TRHDE: variants seen among roughly 807,000 people sequenced by gnomAD.
The protein encoded by TRHDE is thyrotropin releasing hormone degrading enzyme.
TRHDE carries 72 observed loss-of-function variants against 125.7 expected under a neutral mutation model. The ratio of observed to expected loss-of-function variants is 0.57; its 90% CI spans 0.47 to 0.70. The LOEUF is 0.70. Among genes scored for constraint, TRHDE ranks in the 30% least tolerant of loss-of-function variants. TRHDE has a pLI of 0.00. For synonymous variants in TRHDE, 509 were observed against 509.1 expected (o/e 1.00, Z 0.00); for missense variants, 1,110 against 1,327.1 (o/e 0.84, Z 2.54).
chr12:72,650,015 A>T (rs1874442433), intron 15 of TRHDE, among the ~76,000 whole-genome samples: 1 of 152,112 alleles, frequency 6.6e-6, no homozygotes, highest in Non-Finnish European at 1.5e-5. Context: ...ATAATCCAGC[A>T]TCCCATTTGT....
chr12:72,530,042 G>C (rs992720525), intron 6 of TRHDE, among the ~76,000 whole-genome samples: 4 of 152,040 alleles, frequency 2.6e-5, no homozygotes, highest in African/African-American at 9.7e-5. Flanking sequence ...GTCTACTCTA[G>C]GATGTTGGTC....
chr12:72,127,873 A>ATG lies in TRHDE; in HGVS notation n.279+22129_279+22130dup, dbSNP rs904211167. Reference sequence around the variant, plus strand: ...AGAGAGACATTGTGTGTATATATATATGTGTGTGTATATATATACACACAC... The same window carrying ATG: ...AGAGAGACATTGTGTGTATATATATATGTGTGTGTGTATATATATACACACAC... On this transcript the variant is annotated intron_variant and non_coding_transcript_variant, in intron 2 of 4. Coordinates refer to the TRHDE transcript ENST00000548156. 1.5e-3 allele frequency among the ~76,000 whole-genome samples: 228 copies of ATG among 152,202 alleles called. 1 individual carries two copies. Among genetic ancestry groups the ATG allele is most frequent in the African/African-American group, 5.0e-3 (207 of 41,536 alleles).
intron 3 of TRHDE, among the ~76,000 whole-genome samples, chr12:72,395,922 A>ATT (rs550062971): frequency 2.0e-5 from 3 of 148,208 alleles, no homozygotes; most frequent in Admixed American, 6.7e-5. Flanking sequence ...TATTTATTTC[A>ATT]TTTTTTTTTT....
At chr12:72,566,400 CTT>C (rs1308725351) in intron 9 of TRHDE, among the ~76,000 whole-genome samples, 41 of 151,712 alleles carry the variant, frequency 2.7e-4, no homozygotes, top group Admixed American at 9.2e-4. Context: ...TATAGTTTAA[CTT>C]AGTTAACCTT....
At chr12:72,168,597 A>G (rs1876804831) in intron 2 of TRHDE, among the ~76,000 whole-genome samples, 1 of 152,202 alleles carries the variant, frequency 6.6e-6, no homozygotes, top group African/African-American at 2.4e-5. Context: ...CAATTTTGTT[A>G]AGTACATAGA....
Position 72,213,346 on chromosome 12 carries a change from A to G in TRHDE, n.279+107594A>G, listed in dbSNP as rs149123802. 9.7e-4 allele frequency among the ~76,000 whole-genome samples: 148 copies of G among 152,274 alleles called. 1 individual carries two copies. The highest frequency in any genetic ancestry group is 3.4e-3 in the Middle Eastern group (1 of 294). ...ATTAAATGGGTAAATTATACTGCAA[A>G]TGAATTATATATCAATAAAGCTGTT... On this transcript the variant is annotated intron_variant and non_coding_transcript_variant, in intron 2 of 4. Transcript: ENST00000548156.
intron 2 of TRHDE, among the ~76,000 whole-genome samples, chr12:72,264,946 C>A (rs1386017892): frequency 2.0e-5 from 3 of 149,980 alleles, no homozygotes; most frequent in Non-Finnish European, 4.4e-5. Context: ...CCAAAAGTTT[C>A]ATTCAATCAA....
At chr12:72,531,314 T>C (rs1022830126) in intron 6 of TRHDE, among the ~76,000 whole-genome samples, 3 of 152,084 alleles carry the variant, frequency 2.0e-5, no homozygotes, top group Non-Finnish European at 2.9e-5. Context: ...GGGGTCTTTG[T>C]TTTTTAATCT....
intron 6 of TRHDE, among the ~76,000 whole-genome samples, chr12:72,510,144 C>A (rs151199380): frequency 6.6e-6 from 1 of 152,304 alleles, no homozygotes; most frequent in East Asian, 1.9e-4. Flanking sequence ...AATTAGCCTC[C>A]TGTTCTGCAA....
intron 2 of TRHDE, among the ~76,000 whole-genome samples, chr12:72,229,179 C>A (rs963896267): frequency 1.3e-5 from 2 of 152,156 alleles, no homozygotes; most frequent in Non-Finnish European, 2.9e-5. Flanking sequence ...AAAAGACACA[C>A]CCAAGACTGG....
chr12:72,429,288 A>G (rs1592437735), intron 3 of TRHDE, among the ~76,000 whole-genome samples: 1 of 151,582 alleles, frequency 6.6e-6, no homozygotes, highest in East Asian at 1.9e-4. Flanking sequence ...ACATGTGTAT[A>G]CCTATGTAAC....
At chr12:72,091,607 GAA>G (rs1874792051) in intron 1 of TRHDE, among the ~76,000 whole-genome samples, 1 of 152,138 alleles carries the variant, frequency 6.6e-6, no homozygotes, top group Admixed American at 6.5e-5. Context: ...GCATCAAGAA[GAA>G]TATTGTTGGA....
At chr12:72,100,063 G>A (rs1490818143) in intron 1 of TRHDE, among the ~76,000 whole-genome samples, 1 of 152,006 alleles carries the variant, frequency 6.6e-6, no homozygotes, top group Non-Finnish European at 1.5e-5. Context: ...ATACCAATGG[G>A]TAGATCTTAC....
At chr12:72,459,021 GTC>G (rs1227097439) in intron 3 of TRHDE, among the ~76,000 whole-genome samples, 2 of 152,148 alleles carry the variant, frequency 1.3e-5, no homozygotes, top group Non-Finnish European at 2.9e-5. Flanking sequence ...TAGGCTGAAA[GTC>G]TGACACTACT....
At chr12:72,353,801 T>C (rs1180510193) in intron 2 of TRHDE, among the ~76,000 whole-genome samples, 2 of 151,644 alleles carry the variant, frequency 1.3e-5, no homozygotes, top group Non-Finnish European at 3.0e-5. Flanking sequence ...GGGGAGAATG[T>C]GAAGACAAGG....
At chr12:72,578,095 C>T (rs11179258) in intron 12 of TRHDE, among the ~76,000 whole-genome samples, 35,427 of 151,824 alleles carry the variant, frequency 0.23, 5,685 homozygotes, top group East Asian at 0.53. Flanking sequence ...CTAAACACAT[C>T]GTGCACTCTT....
chr12:72,644,890 C>T (rs975441974), intron 15 of TRHDE, among the ~76,000 whole-genome samples: 1 of 152,034 alleles, frequency 6.6e-6, no homozygotes, highest in Non-Finnish European at 1.5e-5. Context: ...ACTGTTAAGA[C>T]ACTGCAGCTT....
intron 3 of TRHDE, among the ~76,000 whole-genome samples, chr12:72,456,718 T>A (rs780575851): frequency 5.9e-5 from 9 of 152,122 alleles, no homozygotes; most frequent in Non-Finnish European, 8.8e-5. Flanking sequence ...TTCTCAGCAT[T>A]TTCCCGTTAT....
Position 72,111,514 on chromosome 12 carries a change from T to C in TRHDE, n.279+5762T>C, listed in dbSNP as rs568039727. Reference sequence around the variant, plus strand: ...CCCATTTGGGACTATGAAAGAACAATTTGACAATTATCTCCCTAGTTCTAA... The same window carrying C: ...CCCATTTGGGACTATGAAAGAACAACTTGACAATTATCTCCCTAGTTCTAA... On this transcript the variant is annotated intron_variant and non_coding_transcript_variant, in intron 2 of 4. Transcript: ENST00000548156. Among the ~76,000 whole-genome samples the C allele has an allele frequency of 3.9e-5, 6 of 152,282 alleles. No homozygotes were observed. The South Asian group carries it at 1.2e-3, about 32-fold the overall frequency.
Sources: gnomAD v4.1 joint callset for allele counts (sites outside exome capture counted in the v4.1 genomes callset) on GRCh38, gnomAD v4.1.1 for gene constraint, MANE v1.5 for transcripts, NCBI Gene and HGNC (gene_info 2026-07-23, HGNC 2026-07-21) for gene names.